KLHDC1: variants seen among roughly 807,000 people sequenced by gnomAD.
KLHDC1 encodes the protein kelch domain-containing protein 1.
A neutral mutation model predicts 68.3 loss-of-function variants in KLHDC1; 53 were observed. The ratio of observed to expected loss-of-function variants is 0.78; its 90% CI spans 0.62 to 0.98. The LOEUF (loss-of-function observed/expected upper bound fraction) is 0.98, where lower values mean the gene tolerates loss of function less well. KLHDC1 is among the 50% of genes least tolerant of loss of function. The pLI, the probability that KLHDC1 is intolerant of heterozygous loss-of-function variation, is 0.00. For synonymous variants in KLHDC1, 148 were observed against 159.0 expected (o/e 0.93, Z 0.52); for missense variants, 470 against 492.3 (o/e 0.95, Z 0.43).
chr14:49,744,307 T>C (rs1054601906), intron 12 of KLHDC1, among the ~76,000 whole-genome samples: 6 of 150,566 alleles, frequency 4.0e-5, no homozygotes, highest in Non-Finnish European at 7.4e-5. Context: ...TGTGTGTGTG[T>C]GTGTGTGTGT....
At chr14:49,741,191 A>T (rs1889055944) in intron 11 of KLHDC1, among the ~76,000 whole-genome samples, 1 of 152,184 alleles carries the variant, frequency 6.6e-6, no homozygotes, top group East Asian at 1.9e-4. Context: ...TTGTTAGCTA[A>T]TTTTAGAGTT....
At chr14:49,723,377 C>T (rs528806167) in intron 4 of KLHDC1, among the ~76,000 whole-genome samples, 1 of 151,818 alleles carries the variant, frequency 6.6e-6, no homozygotes, top group East Asian at 1.9e-4. Flanking sequence ...TACAAAAATA[C>T]AAAAATTAGC....
intron 11 of KLHDC1, among the ~76,000 whole-genome samples, chr14:49,741,387 C>A: frequency 6.6e-6 from 1 of 151,734 alleles, no homozygotes; most frequent in East Asian, 1.9e-4. Flanking sequence ...TTCGCTGCAG[C>A]CTCCACCTCC....
At chr14:49,747,839 A>G (rs1300626002) in intron 12 of KLHDC1, among the ~76,000 whole-genome samples, 2 of 152,162 alleles carry the variant, frequency 1.3e-5, no homozygotes, top group African/African-American at 4.8e-5. Flanking sequence ...CAGTAGCACT[A>G]AACAGCTGGG....
intron 12 of KLHDC1, among the ~76,000 whole-genome samples, chr14:49,747,776 G>A (rs1456983510): frequency 6.6e-6 from 1 of 152,146 alleles, no homozygotes; most frequent in Non-Finnish European, 1.5e-5. Context: ...CGCAGCTGAG[G>A]TAGAATATCA....
chr14:49,693,198 G>T lies in KLHDC1; in HGVS notation c.4G>T (p.Ala2Ser), dbSNP rs1278164134. The part of the protein sequence containing the change: M[A>S]DSQLFCVAEE... The stretch of plus-strand genomic sequence containing the variant: ...CGGCGGGCCAGCGACGGCGCGAATG[G>T]CGGACTCTCAGCTGTTCTGTGTGGC... The change falls in exon 1 of 13, where the codon GCG (alanine) becomes TCG (serine). Residue 2 changes from alanine to serine, a missense_variant. Physicochemically the swap from Ala to Ser is moderately conservative, Grantham distance 99 (BLOSUM62 1). Coordinates refer to ENST00000359332, the MANE Select transcript of KLHDC1 (RefSeq NM_172193.3). 2 of 1,583,894 alleles carry T rather than the reference G, an allele frequency of 1.3e-6. No homozygotes were observed. Among genetic ancestry groups the T allele is most frequent in the South Asian group, 2.2e-5 (2 of 89,296 alleles).
intron 12 of KLHDC1, among the ~76,000 whole-genome samples, chr14:49,745,902 G>A (rs1889188035): frequency 6.6e-6 from 1 of 152,174 alleles, no homozygotes; most frequent in Non-Finnish European, 1.5e-5. Context: ...AGAATAAGAT[G>A]ATCATATTAC....
intron 12 of KLHDC1, among the ~76,000 whole-genome samples, chr14:49,745,880 A>C (rs1208660790): frequency 6.6e-6 from 1 of 152,216 alleles, no homozygotes; most frequent in African/African-American, 2.4e-5. Flanking sequence ...CCATTGAAAA[A>C]TTTGGAGCAA....
chr14:49,744,617 C>T (rs927053157), intron 12 of KLHDC1, among the ~76,000 whole-genome samples: 9 of 151,926 alleles, frequency 5.9e-5, no homozygotes, highest in Non-Finnish European at 1.5e-5. Context: ...TATGCCTATC[C>T]TACTATATAC....
chr14:49,735,590 AT>A (rs1215739485), intron 10 of KLHDC1, among the ~76,000 whole-genome samples: 1 of 151,988 alleles, frequency 6.6e-6, no homozygotes, highest in African/African-American at 2.4e-5. Flanking sequence ...TTACTTTAAC[AT>A]TTCTGGCTCT....
intron 7 of KLHDC1, 96 bp downstream of exon 7, chr14:49,729,105 C>G: frequency 1.2e-6 from 1 of 838,260 alleles, no homozygotes; most frequent in Non-Finnish European, 2.0e-6. Context: ...TTCATGTAAT[C>G]TAGAGATTAA....
At chr14:49,725,632 T>C in intron 5 of KLHDC1, 54 bp from the exon 6 acceptor site, 1 of 666,064 alleles carries the variant, frequency 1.5e-6, no homozygotes, top group Non-Finnish European at 2.2e-6. Context: ...AAAACTGTAA[T>C]AATAATGTAA....
intron 4 of KLHDC1, among the ~76,000 whole-genome samples, chr14:49,712,142 TCTC>T (rs1202839125): frequency 1.3e-5 from 2 of 151,834 alleles, no homozygotes; most frequent in African/African-American, 4.8e-5. Context: ...ATGGTCTCGA[TCTC>T]CTGACCTCGT....
chr14:49,712,838 C>T (rs1888242465), intron 4 of KLHDC1, among the ~76,000 whole-genome samples: 1 of 151,888 alleles, frequency 6.6e-6, no homozygotes. Context: ...CAGGGTTTCA[C>T]CATGTTGGTC....
chr14:49,711,500 G>A (rs1056756604), intron 4 of KLHDC1, among the ~76,000 whole-genome samples: 1 of 151,918 alleles, frequency 6.6e-6, no homozygotes, highest in African/African-American at 2.4e-5. Flanking sequence ...ACTGCACCTG[G>A]CCCTAATTTT....
intron 6 of KLHDC1, among the ~76,000 whole-genome samples, 185 bp downstream of exon 6, chr14:49,725,954 TCTC>T (rs1888662648): frequency 6.6e-6 from 1 of 152,098 alleles, no homozygotes; most frequent in South Asian, 2.1e-4. Flanking sequence ...TTCAGGTGGT[TCTC>T]CTGCCTCAGC....
At chr14:49,739,598 A>G (rs1251901800) in intron 10 of KLHDC1, among the ~76,000 whole-genome samples, 3 of 152,208 alleles carry the variant, frequency 2.0e-5, no homozygotes, top group Non-Finnish European at 2.9e-5. Context: ...GGCAAAAATT[A>G]TAAGAACAGT....
At chr14:49,713,649 G>A (rs1355840566) in intron 4 of KLHDC1, among the ~76,000 whole-genome samples, 1 of 151,000 alleles carries the variant, frequency 6.6e-6, no homozygotes, top group Non-Finnish European at 1.5e-5. Context: ...ATTTTGGGAG[G>A]CTGAGGTAAG....
At chr14:49,717,914 T>G (rs1888421718) in intron 4 of KLHDC1, among the ~76,000 whole-genome samples, 1 of 152,266 alleles carries the variant, frequency 6.6e-6, no homozygotes, top group African/African-American at 2.4e-5. Context: ...GTCAGGGTCT[T>G]TCTTTGTTAC....
Sources: gnomAD v4.1 joint callset for allele counts (sites outside exome capture counted in the v4.1 genomes callset) on GRCh38, gnomAD v4.1.1 for gene constraint, MANE v1.5 for transcripts, NCBI Gene and HGNC (gene_info 2026-07-23, HGNC 2026-07-21) for gene names.